The following GABRB1 variants were observed in gnomAD, a reference collection of about 807,000 sequenced individuals.
GABRB1 encodes gamma-aminobutyric acid type A receptor subunit beta1, also known as gamma-aminobutyric acid receptor subunit beta-1.
GABRB1 carries 17 observed loss-of-function variants against 51.6 expected under a neutral mutation model. That is an observed-to-expected ratio of 0.33 (90% CI 0.23 to 0.49). The LOEUF is 0.49. Among genes scored for constraint, GABRB1 ranks in the 20% least tolerant of loss-of-function variants. The probability of loss-of-function intolerance (pLI) is 0.99; values close to 1 mark genes in which losing one functional copy is unlikely to be tolerated. For synonymous variants in GABRB1, 247 were observed against 218.9 expected, an observed-to-expected ratio of 1.13 and a Z score of -1.14; for missense variants, 410 against 600.6, an observed-to-expected ratio of 0.68 and a Z score of 3.32.
intron 4 of GABRB1, among the ~76,000 whole-genome samples, chr4:47,236,099 G>A (rs1048489898): frequency 1.3e-5 from 2 of 152,018 alleles, no homozygotes; most frequent in Non-Finnish European, 2.9e-5. Context: ...AAGCACAGAT[G>A]ACAGTATATC....
intron 3 of GABRB1, among the ~76,000 whole-genome samples, chr4:47,053,735 A>G (rs1726462498): frequency 6.6e-6 from 1 of 152,212 alleles, no homozygotes; most frequent in Non-Finnish European, 1.5e-5. Context: ...CCGAGCTGAG[A>G]GATTTCAGCC....
At chr4:47,027,902 A>T (rs1489825986), upstream of GABRB1, among the ~76,000 whole-genome samples, 1 of 151,738 alleles carries the variant, frequency 6.6e-6, no homozygotes, top group East Asian at 1.9e-4. Context: ...AAATGCCACC[A>T]ATACATGCAT....
At chr4:47,043,856 G>C (rs911423620) in intron 3 of GABRB1, among the ~76,000 whole-genome samples, 13 of 152,074 alleles carry the variant, frequency 8.5e-5, no homozygotes, top group African/African-American at 2.9e-4. Flanking sequence ...CTAACCTTGA[G>C]AGAGGAAAAC....
intron 3 of GABRB1, among the ~76,000 whole-genome samples, chr4:47,117,358 G>C (rs1715540776): frequency 6.6e-6 from 1 of 152,124 alleles, no homozygotes; most frequent in Non-Finnish European, 1.5e-5. Flanking sequence ...GCATGAGTAA[G>C]TCTCTCTAAT....
At chr4:47,125,421 T>G (rs1409344160) in intron 3 of GABRB1, among the ~76,000 whole-genome samples, 2 of 151,956 alleles carry the variant, frequency 1.3e-5, no homozygotes, top group Admixed American at 1.3e-4. Flanking sequence ...GGTAAACATA[T>G]AGTCAAATTA....
chr4:47,352,389 A>G (rs1726384147), intron 5 of GABRB1, among the ~76,000 whole-genome samples: 1 of 152,132 alleles, frequency 6.6e-6, no homozygotes. Flanking sequence ...CAATAGAAAA[A>G]GAGAGAATCC....
intron 3 of GABRB1, among the ~76,000 whole-genome samples, chr4:47,141,525 T>C (rs568978029): frequency 2.0e-5 from 3 of 151,970 alleles, no homozygotes; most frequent in Non-Finnish European, 2.9e-5. Context: ...ATTATGCACG[T>C]TATATTTTAT....
intron 1 of GABRB1, among the ~76,000 whole-genome samples, chr4:47,018,426 A>G (rs575385688): frequency 1.3e-5 from 2 of 152,318 alleles, no homozygotes; most frequent in East Asian, 1.9e-4. Flanking sequence ...GCTTCTTAGT[A>G]GTAAGACTAA....
At chr4:47,324,697 T>C (rs1425411703) in intron 5 of GABRB1, among the ~76,000 whole-genome samples, 4 of 152,224 alleles carry the variant, frequency 2.6e-5, no homozygotes. Context: ...AACTGAGATC[T>C]CTTCTGAGCC....
chr4:46,996,839 A>G (rs1724015280), intron 1 of GABRB1, among the ~76,000 whole-genome samples: 1 of 152,124 alleles, frequency 6.6e-6, no homozygotes, highest in Non-Finnish European at 1.5e-5. Flanking sequence ...AATAATCTGA[A>G]AGGATTCAAC....
At chr4:47,084,597 C>T (rs1454577038) in intron 3 of GABRB1, among the ~76,000 whole-genome samples, 2 of 152,170 alleles carry the variant, frequency 1.3e-5, no homozygotes, top group African/African-American at 2.4e-5. Context: ...CTTAACATAG[C>T]ACTTGGCACA....
chr4:47,225,225 G>A (rs1720905983), intron 4 of GABRB1, among the ~76,000 whole-genome samples: 1 of 152,116 alleles, frequency 6.6e-6, no homozygotes, highest in Non-Finnish European at 1.5e-5. Flanking sequence ...TTGTCCTGGA[G>A]CAGAGGTGCT....
intron 1 of GABRB1, among the ~76,000 whole-genome samples, chr4:47,025,889 T>C (rs1476484880): frequency 6.6e-6 from 1 of 152,062 alleles, no homozygotes; most frequent in Non-Finnish European, 1.5e-5. Context: ...CCGTTTTTTT[T>C]GTAATGCCAT....
At chr4:47,242,347 A>G (rs1241749554) in intron 4 of GABRB1, among the ~76,000 whole-genome samples, 2 of 152,216 alleles carry the variant, frequency 1.3e-5, no homozygotes, top group Non-Finnish European at 2.9e-5. Context: ...CAATAAACAT[A>G]CGTGTGCATG....
rs200018911 is a variant in GABRB1, at chr4:47,400,928, T to TG, written c.545-2390_545-2389insG. Among the ~76,000 whole-genome samples the TG allele has an allele frequency of 2.8e-3, 395 of 141,060 alleles. 3 individuals carry two copies. The highest frequency in any genetic ancestry group is 9.6e-3 in the African/African-American group (366 of 38,058). 92.5% of individuals were successfully genotyped at this position (141,060 alleles called of 152,430 possible). A position where few individuals can be genotyped will look rare whatever the true frequency, so the allele number is the denominator to read the frequency against. ...TTGTTCTTTTGTTCTTCTCTTTTTT[T>TG]TTTTTTTTTTTTTTTTTTGAGACGG... is the stretch of plus-strand genomic sequence containing the variant. On this transcript the variant is annotated intron_variant, in intron 5 of 8. Transcript: ENST00000295454.
At chr4:47,280,257 AC>A (rs1166256280) in intron 4 of GABRB1, among the ~76,000 whole-genome samples, 1 of 151,794 alleles carries the variant, frequency 6.6e-6, no homozygotes, top group Admixed American at 6.6e-5. Flanking sequence ...AACTTTGGTC[AC>A]TTGCACAAAC....
chr4:47,247,202 G>T (rs554833604), intron 4 of GABRB1, among the ~76,000 whole-genome samples: 1 of 151,866 alleles, frequency 6.6e-6, no homozygotes, highest in Non-Finnish European at 1.5e-5. Context: ...TTTTTAACTT[G>T]AGAGACGAGG....
intron 3 of GABRB1, among the ~76,000 whole-genome samples, chr4:47,048,781 C>T (rs1560510884): frequency 2.0e-5 from 3 of 152,128 alleles, no homozygotes. Context: ...GGCTGTCTGA[C>T]TTCAGAGTCA....
chr4:47,106,178 A>C (rs1714962899), intron 3 of GABRB1, among the ~76,000 whole-genome samples: 1 of 152,140 alleles, frequency 6.6e-6, no homozygotes, highest in East Asian at 1.9e-4. Flanking sequence ...TCCATACAGC[A>C]ACATTTTAAA....
Sources: gnomAD v4.1 joint callset for allele counts (sites outside exome capture counted in the v4.1 genomes callset) on GRCh38, gnomAD v4.1.1 for gene constraint, MANE v1.5 for transcripts, NCBI Gene and HGNC (gene_info 2026-07-23, HGNC 2026-07-21) for gene names.